The following SGF29 variants were observed in gnomAD, a reference collection of about 807,000 sequenced individuals.
The protein encoded by SGF29 is SAGA-associated factor 29.
A neutral mutation model predicts 38.1 loss-of-function variants in SGF29; 15 were observed. The observed-to-expected ratio is 0.39, with a 90% CI of 0.26 to 0.61. The LOEUF (loss-of-function observed/expected upper bound fraction) is 0.61. SGF29 is among the 20% of genes least tolerant of loss of function. SGF29 has a pLI of 0.49. For synonymous variants in SGF29, 151 were observed against 160.8 expected, an observed-to-expected ratio of 0.94 and a Z score of 0.46; for missense variants, 184 against 394.6, an observed-to-expected ratio of 0.47 and a Z score of 4.52.
chr16:28,583,383 TC>T (rs1217412085), intron 2 of SGF29, among the ~76,000 whole-genome samples: 6 of 151,518 alleles, frequency 4.0e-5, no homozygotes, highest in East Asian at 1.9e-4. Flanking sequence ...CTAGCAAGTA[TC>T]CCCCCCCAAC....
intron 1 of SGF29, 104 bp downstream of exon 1, chr16:28,554,201 T>G (rs1170397439): frequency 3.3e-5 from 5 of 150,144 alleles, no homozygotes; most frequent in Non-Finnish European, 1.5e-5. Context: ...GAGGCGGCGC[T>G]CTAGGGGCGG....
At chr16:28,577,557 T>A (rs1182679311) in intron 1 of SGF29, among the ~76,000 whole-genome samples, 1 of 152,228 alleles carries the variant, frequency 6.6e-6, no homozygotes, top group Non-Finnish European at 1.5e-5. Flanking sequence ...GTCTCAGTAC[T>A]TCATTTCTTT....
intron 1 of SGF29, among the ~76,000 whole-genome samples, chr16:28,564,746 T>TATATATATGTCTATATATATAC (rs2046823863): frequency 4.0e-5 from 1 of 24,866 alleles, no homozygotes; most frequent in African/African-American, 1.3e-4. Flanking sequence ...TGTATATATG[T>TATATATATGTCTATATATATAC]ATATATATGT....
At chr16:28,588,062 A>C (rs2046965272) in intron 4 of SGF29, among the ~76,000 whole-genome samples, 1 of 152,006 alleles carries the variant, frequency 6.6e-6, no homozygotes, top group African/African-American at 2.4e-5. Context: ...AGCCTCCTAA[A>C]GTGCTGAGAT....
intron 1 of SGF29, among the ~76,000 whole-genome samples, chr16:28,559,552 C>A (rs1225953766): frequency 6.6e-6 from 1 of 152,024 alleles, no homozygotes; most frequent in African/African-American, 2.4e-5. Context: ...CCCAGCTAAT[C>A]TTTGTACTTT....
chr16:28,585,005 A>C lies in SGF29; in HGVS notation c.151+17A>C. 1 of 1,605,240 alleles carries C rather than the reference A, an allele frequency of 6.2e-7. No individual in the cohort carries two copies. ...AGAACAAGAGTGAGTAGCTGGGCTC[A>C]GGAGAGAAAGGGGATGAGATGGGGC... is the stretch of plus-strand genomic sequence containing the variant. On this transcript the variant is annotated intron_variant, in intron 3 of 9. Transcript: ENST00000317058.
chr16:28,555,612 A>G (rs12934920), intron 1 of SGF29, among the ~76,000 whole-genome samples: 12,150 of 152,316 alleles, frequency 0.08, 644 homozygotes, highest in East Asian at 0.15. Context: ...ACTATTATAG[A>G]GGCTGAGAAG....
At chr16:28,559,447 G>A (rs759013513) in intron 1 of SGF29, among the ~76,000 whole-genome samples, 10 of 152,164 alleles carry the variant, frequency 6.6e-5, no homozygotes, top group African/African-American at 2.4e-4. Flanking sequence ...GCAGTGGTGC[G>A]ATTTTGGCTC....
intron 1 of SGF29, among the ~76,000 whole-genome samples, chr16:28,578,525 A>G (rs2046907485): frequency 6.6e-6 from 1 of 152,002 alleles, no homozygotes; most frequent in Non-Finnish European, 1.5e-5. Context: ...CCTAGTTTGT[A>G]TGTTATTATA....
In SGF29 at chr16:28,585,799, C is replaced by T; in HGVS notation, c.224+79C>T. 2.2e-6 allele frequency: 3 copies of T among 1,339,706 alleles called. No homozygotes were observed. The Middle Eastern group carries it at 5.4e-4, about 241-fold the overall frequency. The allele number at this position is 1,339,706 out of a possible 1,614,324, so 83.0% of individuals were successfully genotyped here. A position where few individuals can be genotyped will look rare whatever the true frequency, so the allele number is the denominator to read the frequency against. On this transcript the variant is annotated intron_variant, in intron 4 of 9. Transcript: ENST00000317058. The stretch of plus-strand genomic sequence containing the variant: ...CTGCAGGTCCATTTGGACCAAGTCC[C>T]CAGCCTGCCTTCCTCCCATGGATAA...
At chr16:28,563,236 G>A (rs2046800342) in intron 1 of SGF29, among the ~76,000 whole-genome samples, 1 of 152,206 alleles carries the variant, frequency 6.6e-6, no homozygotes, top group Admixed American at 6.6e-5. Context: ...AAAGAAGAGA[G>A]GATGTTTGCG....
intron 1 of SGF29, among the ~76,000 whole-genome samples, chr16:28,557,357 C>T (rs151320): frequency 0.1 from 15,635 of 152,240 alleles, 916 homozygotes; most frequent in Middle Eastern, 0.18. Context: ...TGGTTTGTAT[C>T]CCAGTTTGGA....
At chr16:28,587,506 G>A (rs549133254) in intron 4 of SGF29, among the ~76,000 whole-genome samples, 2 of 152,186 alleles carry the variant, frequency 1.3e-5, no homozygotes, top group African/African-American at 4.8e-5. Context: ...TGCATTGTAC[G>A]CAGCAGGCAA....
At chr16:28,567,184 T>C (rs1350221373) in intron 1 of SGF29, among the ~76,000 whole-genome samples, 1 of 152,192 alleles carries the variant, frequency 6.6e-6, no homozygotes, top group African/African-American at 2.4e-5. Context: ...GAAATATCCA[T>C]GTTGAGCATA....
chr16:28,572,377 C>A lies in SGF29; in HGVS notation c.-15-8678C>A, dbSNP rs62034356. ...ATCCGCCTGCTGGGTTCAAGCAGCT[C>A]TCCTGCCTCAGCCTCCGAGTAGCTG... On this transcript the variant is annotated intron_variant, in intron 1 of 9. Coordinates refer to ENST00000317058, the MANE Select transcript of SGF29 (RefSeq NM_138414.3). Among the ~76,000 whole-genome samples, 1,405 of 151,406 alleles carry A rather than the reference C, an allele frequency of 9.3e-3. 26 individuals carry two copies. The highest frequency in any genetic ancestry group is 0.033 in the African/African-American group (1,348 of 41,232).
At position 28,564,695 on chromosome 16, in the gene SGF29, A is replaced by ACG. The variant is rs1401243393; in HGVS notation, c.-16+10598_-16+10599insCG. 2.1e-4 allele frequency among the ~76,000 whole-genome samples: 11 copies of ACG among 51,982 alleles called. 1 individual carries two copies. The highest frequency in any genetic ancestry group is 4.9e-4 in the Admixed American group (2 of 4,110). The allele number at this position is 51,982 out of a possible 152,430, so 34.1% of individuals were successfully genotyped here. On this transcript the variant is annotated intron_variant, in intron 1 of 9. Coordinates refer to ENST00000317058, the MANE Select transcript of SGF29 (RefSeq NM_138414.3). ...TATATGTATATATATGTGTATATAT[A>ACG]TGTATATATATACATATATATGTAT...
chr16:28,556,097 A>G (rs1279543876), intron 1 of SGF29, among the ~76,000 whole-genome samples: 1 of 152,208 alleles, frequency 6.6e-6, no homozygotes, highest in East Asian at 1.9e-4. Context: ...ATAAGTTGCA[A>G]TACAGAGGCA....
At chr16:28,578,461 G>A (rs181257542) in intron 1 of SGF29, among the ~76,000 whole-genome samples, 3 of 152,144 alleles carry the variant, frequency 2.0e-5, no homozygotes, top group East Asian at 1.9e-4. Flanking sequence ...TCTGATGTTC[G>A]TTGTGGGTTT....
At chr16:28,580,961 T>C (rs2046921424) in intron 1 of SGF29, 94 bp from the exon 2 acceptor site, 4 of 938,464 alleles carry the variant, frequency 4.3e-6, no homozygotes, top group Non-Finnish European at 6.7e-6. Flanking sequence ...GATTACAGCA[T>C]GAGCCTCCAG....
Sources: allele counts gnomAD v4.1 joint callset (sites outside exome capture counted in the v4.1 genomes callset), GRCh38; gene constraint gnomAD v4.1.1; transcripts MANE v1.5; gene names NCBI Gene and HGNC (gene_info 2026-07-23, HGNC 2026-07-21).